Variants in B4GALT7 observed in about 807,000 individuals in gnomAD.
The protein encoded by B4GALT7 is beta-1,4-galactosyltransferase 7.
B4GALT7 carries 30 observed loss-of-function variants against 33.0 expected under a neutral mutation model. The ratio of observed to expected loss-of-function variants is 0.91; its 90% CI spans 0.68 to 1.23. The LOEUF (loss-of-function observed/expected upper bound fraction) is 1.23. Ranked by LOEUF, B4GALT7 falls within the 50% of genes most tolerant of loss-of-function variation. B4GALT7 has a pLI of 0.00. For synonymous variants in B4GALT7, 213 were observed against 187.2 expected (o/e 1.14, Z -1.13); for missense variants, 507 against 450.8 (o/e 1.12, Z -1.13).
In B4GALT7 at chr5:177,607,540, C is replaced by G. The variant is rs746538176; in HGVS notation, c.639+13C>G. On this transcript the variant is annotated intron_variant, in intron 3 of 5. Coordinates refer to ENST00000029410, the MANE Select transcript of B4GALT7 (RefSeq NM_007255.3). ...GCACTACCGGCTGGTGAGGCCCGGA[C>G]AGCCTGCTCTGCTCAGAGCCGGGAG... 1.4e-5 allele frequency: 23 copies of G among 1,606,764 alleles called. No individual in the cohort carries two copies. The highest frequency in any genetic ancestry group is 8.0e-5 in the African/African-American group (6 of 74,890).
At position 177,608,852 on chromosome 5, in the gene B4GALT7, G is replaced by A; in HGVS notation, c.724-58G>A. The A allele has an allele frequency of 6.8e-7, 1 of 1,466,382 alleles. No homozygotes were observed. Among genetic ancestry groups the A allele is most frequent in the South Asian group, 1.1e-5 (1 of 87,852 alleles). 90.8% of individuals were successfully genotyped at this position (1,466,382 alleles called of 1,614,324 possible). ...TCCTGTGGGACCTCGGGAGCTGGTG[G>A]TGAGGGCTGGGGCTCCAGGAAGGGC... On this transcript the variant is annotated intron_variant, in intron 4 of 5. Coordinates refer to ENST00000029410, the MANE Select transcript of B4GALT7 (RefSeq NM_007255.3). The surrounding 1 kb of genome is among the most constrained non-coding windows in gnomAD (Gnocchi z 4.1).
Position 177,608,100 on chromosome 5 carries a change from G to A in B4GALT7, c.640-439G>A. The A allele has an allele frequency of 4.2e-6, 1 of 238,594 alleles. No individual in the cohort carries two copies. Among genetic ancestry groups the A allele is most frequent in the South Asian group, 5.5e-5 (1 of 18,346 alleles). The allele number at this position is 238,594 out of a possible 1,614,324, so 14.8% of individuals were successfully genotyped here. ...TGGGTGTCCTCCTCTCCAGGCCATG[G>A]CAGGGGCCAGCTTTATGTAAATGAA... On this transcript the variant is annotated intron_variant, in intron 3 of 5. Coordinates refer to ENST00000029410, the MANE Select transcript of B4GALT7 (RefSeq NM_007255.3). The surrounding 1 kb of genome is among the most constrained non-coding windows in gnomAD (Gnocchi z 4.1).
intron 5 of B4GALT7, 90 bp downstream of exon 5, chr5:177,609,104 A>G: frequency 8.4e-7 from 1 of 1,197,582 alleles, no homozygotes; most frequent in Non-Finnish European, 1.2e-6. Context: ...CTTGGCCCAA[A>G]TGGTCCCATC....
In B4GALT7 at chr5:177,604,448, A is replaced by G. The variant is rs1324340345; in HGVS notation, c.320A>G (p.Glu107Gly). Residue 107 changes from glutamate to glycine, a missense_variant, in exon 2 of 6, where the codon GAG becomes GGG. Glu to Gly is a moderately conservative substitution (Grantham distance 98). Coordinates refer to ENST00000029410, the MANE Select transcript of B4GALT7 (RefSeq NM_007255.3). ...GTGCCCTTCCGCGAACGCTTCGAGG[A>G]GCTCCTGGTCTTCGTGCCCCACATG... ...VLVPFRERFE[E>G]LLVFVPHMRR... 6.2e-7 allele frequency: 1 copy of G among 1,613,890 alleles called. No individual in the cohort carries two copies. The highest frequency in any genetic ancestry group is 1.1e-5 in the South Asian group (1 of 91,072).
intron 1 of B4GALT7, 116 bp from the exon 2 acceptor site, chr5:177,604,063 C>A: frequency 6.9e-7 from 1 of 1,446,126 alleles, no homozygotes; most frequent in Non-Finnish European, 9.6e-7. Flanking sequence ...TACTAATTCC[C>A]AGGTGCTTGG....
chr5:177,604,688 G>A (rs1040017140), intron 2 of B4GALT7, 147 bp downstream of exon 2: 36 of 1,067,726 alleles, frequency 3.4e-5, no homozygotes, highest in Middle Eastern at 5.9e-4. Context: ...TTTGGAGAGG[G>A]CCCTGATCTA....
Position 177,609,753 on chromosome 5 carries a change from A to T in B4GALT7, c.*58A>T. The stretch of plus-strand genomic sequence containing the variant: ...AGGCCATATTGCTCAGGCTCAGGAC[A>T]AGGCCTCAGGTCGTGGGCCCAGCTC... On this transcript the variant is annotated 3_prime_UTR_variant, in exon 6 of 6. Coordinates refer to ENST00000029410, the MANE Select transcript of B4GALT7 (RefSeq NM_007255.3). 6.4e-7 allele frequency: 1 copy of T among 1,550,848 alleles called. No homozygotes were observed. The highest frequency in any genetic ancestry group is 1.2e-5 in the South Asian group (1 of 84,950).
In B4GALT7 at chr5:177,600,499, C is replaced by A. The variant is rs531316654; in HGVS notation, c.50+239C>A. 6.7e-6 allele frequency among the ~76,000 whole-genome samples: 1 copy of A among 150,058 alleles called. No individual in the cohort carries two copies. Among genetic ancestry groups the A allele is most frequent in the Non-Finnish European group, 1.5e-5 (1 of 67,662 alleles). ...GCACTCGTCCTTCCCCCAGCACCTT[C>A]CCCCCGGCCCGTGGGTCCGTATTTC... On this transcript the variant is annotated intron_variant, in intron 1 of 5. Coordinates refer to ENST00000029410, the MANE Select transcript of B4GALT7 (RefSeq NM_007255.3). This position sits in a 1 kb window ranked among gnomAD's most constrained non-coding sequence, Gnocchi z 4.4.
At chr5:177,603,438 G>A (rs1767893954) in intron 1 of B4GALT7, 2 of 905,736 alleles carry the variant, frequency 2.2e-6, no homozygotes, top group African/African-American at 3.6e-5. Context: ...GTGATGTTCA[G>A]CTGTTTTTCC....
chr5:177,607,272 C>T (rs1031145073), intron 2 of B4GALT7, 30 bp from the exon 3 acceptor site: 1 of 1,563,796 alleles, frequency 6.4e-7, no homozygotes, highest in African/African-American at 1.4e-5. Flanking sequence ...CCGTGTGCTG[C>T]CCCTGCCCAG....
Position 177,607,494 on chromosome 5 carries a change from C to T in B4GALT7, c.606C>T (p.Gly202=). 1.2e-6 allele frequency: 2 copies of T among 1,613,188 alleles called. No homozygotes were observed. Among genetic ancestry groups the T allele is most frequent in the Non-Finnish European group, 8.5e-7 (1 of 1,180,036 alleles). ...PLYHYKTYVG[G]ILLLSKQHYR... is the part of the protein sequence containing the mutation. ...ACCACTACAAGACCTATGTCGGCGG[C>T]ATCCTGCTGCTCTCCAAGCAGCACT... Residue 202 remains glycine (G), a synonymous_variant, in exon 3 of 6, where the codon GGC becomes GGT. Coordinates refer to ENST00000029410, the MANE Select transcript of B4GALT7 (RefSeq NM_007255.3).
chr5:177,608,936 T>C lies in B4GALT7; in HGVS notation c.750T>C (p.Thr250=), dbSNP rs772835831. Reference sequence around the variant, plus strand: ...TTTTCCGCCCCTCGGGAATCACAACTGGGTACAAGACATTTCGCCACCTGC... The same window carrying C: ...TTTTCCGCCCCTCGGGAATCACAACCGGGTACAAGACATTTCGCCACCTGC... ...LQLFRPSGIT[T]GYKTFRHLHD... is the part of the protein sequence containing the mutation. The change falls in exon 5 of 6, where the codon ACT becomes ACC. Residue 250 remains threonine, a synonymous_variant. Transcript: ENST00000029410. The surrounding 1 kb of genome is among the most constrained non-coding windows in gnomAD (Gnocchi z 4.1). The C allele has an allele frequency of 1.2e-6, 2 of 1,613,730 alleles. No individual in the cohort carries two copies. Among genetic ancestry groups the C allele is most frequent in the Non-Finnish European group, 1.7e-6 (2 of 1,179,978 alleles).
rs1387618617 is a variant in B4GALT7 at position 177,609,009 on chromosome 5, A to G, written c.823A>G (p.Lys275Glu). Residue 275 changes from lysine to glutamate, a missense_variant, in exon 5 of 6, where the codon AAA (lysine) becomes GAA (glutamate). By Grantham distance (56) the Lys-to-Glu change is moderately conservative. Coordinates refer to ENST00000029410, the MANE Select transcript of B4GALT7 (RefSeq NM_007255.3). ...KRDQKRIAAQ[K>E]QEQFKVDREG... The stretch of plus-strand genomic sequence containing the variant: ...GGACCAGAAGCGCATCGCAGCTCAA[A>G]AACAGGTGCTGGCAGGGCTCCTCAT... 1 of 1,610,806 alleles carries G rather than the reference A, an allele frequency of 6.2e-7. No homozygotes were observed.
intron 2 of B4GALT7, among the ~76,000 whole-genome samples, chr5:177,605,428 C>T (rs1767966592): frequency 6.6e-6 from 1 of 152,240 alleles, no homozygotes. Context: ...CTGGTCTGTC[C>T]ACTGCAGCCT....
In B4GALT7 at chr5:177,600,291, C is replaced by T; in HGVS notation, c.50+31C>T. The stretch of plus-strand genomic sequence containing the variant: ...CGGCGGCGGTGGGCCCGGGCCCCGT[C>T]CTCCCGGGCGCCGCTCCCTTCTCGG... On this transcript the variant is annotated intron_variant, in intron 1 of 5. Transcript: ENST00000029410. This position sits in a 1 kb window ranked among gnomAD's most constrained non-coding sequence, Gnocchi z 4.4. The T allele has an allele frequency of 4.6e-6, 6 of 1,298,524 alleles. No homozygotes were observed. The highest frequency in any genetic ancestry group is 2.9e-6 in the Non-Finnish European group (3 of 1,020,140). 80.4% of individuals were successfully genotyped at this position (1,298,524 alleles called of 1,614,324 possible).
chr5:177,600,344 C>A lies in B4GALT7; in HGVS notation c.50+84C>A. The stretch of plus-strand genomic sequence containing the variant: ...GCCGGCGGAATCTGGGAACCCGAGG[C>A]CATCACGTCTCCATGTCTGCGGGTT... On this transcript the variant is annotated intron_variant, in intron 1 of 5. Transcript: ENST00000029410. This position sits in a 1 kb window ranked among gnomAD's most constrained non-coding sequence, Gnocchi z 4.4. 1.8e-6 allele frequency: 2 copies of A among 1,108,088 alleles called. No homozygotes were observed. Among genetic ancestry groups the A allele is most frequent in the Non-Finnish European group, 1.2e-6 (1 of 866,456 alleles). 68.6% of individuals were successfully genotyped at this position (1,108,088 alleles called of 1,614,324 possible).
chr5:177,609,033 AT>A lies in B4GALT7; in HGVS notation c.828+21del, dbSNP rs1768101396. On this transcript the variant is annotated intron_variant, in intron 5 of 5. Transcript: ENST00000029410. ...AAAACAGGTGCTGGCAGGGCTCCTCATTGGGGACAGATAGGTGGTCATGTGG... is the reference window on the plus strand; with the variant it reads ...AAAACAGGTGCTGGCAGGGCTCCTCATGGGGACAGATAGGTGGTCATGTGG... 2 of 1,600,544 alleles carry A rather than the reference AT, an allele frequency of 1.2e-6. No homozygotes were observed. Among genetic ancestry groups the A allele is most frequent in the African/African-American group, 2.7e-5 (2 of 74,714 alleles).
chr5:177,604,428 C>T lies in B4GALT7; in HGVS notation c.300C>T (p.Pro100=), dbSNP rs151249724. 7 of 1,613,816 alleles carry T rather than the reference C, an allele frequency of 4.3e-6. No individual in the cohort carries two copies. In the African/African-American group the frequency reaches 5.3e-5, roughly 12 times the overall value. ...WGPHRLAVLV[P]FRERFEELLV... The stretch of plus-strand genomic sequence containing the variant: ...CCCACCGCCTGGCAGTGCTGGTGCC[C>T]TTCCGCGAACGCTTCGAGGAGCTCC... The change falls in exon 2 of 6, where the codon CCC becomes CCT. Residue 100 remains proline (P), a synonymous_variant. Coordinates refer to ENST00000029410, the MANE Select transcript of B4GALT7 (RefSeq NM_007255.3).
Position 177,602,364 on chromosome 5 carries a change from C to T in B4GALT7, c.51-1815C>T, listed in dbSNP as rs184566462. Among the ~76,000 whole-genome samples the T allele has an allele frequency of 1.1e-3, 167 of 152,342 alleles. 1 individual carries two copies. The highest frequency in any genetic ancestry group is 7.8e-3 in the Admixed American group (120 of 15,304). On this transcript the variant is annotated intron_variant, in intron 1 of 5. Coordinates refer to ENST00000029410, the MANE Select transcript of B4GALT7 (RefSeq NM_007255.3). ...AAGGCATGCCCTGACTGCCTTACCC[C>T]TTTCTGTAACTCACTTGGCAAGCTC...
Sources: allele counts gnomAD v4.1 joint callset (sites outside exome capture counted in the v4.1 genomes callset), GRCh38; gene constraint gnomAD v4.1.1; non-coding constraint Gnocchi (gnomAD v3.1); transcripts MANE v1.5; gene names NCBI Gene and HGNC (gene_info 2026-07-23, HGNC 2026-07-21).